CUX2: variants seen among roughly 807,000 people sequenced by gnomAD.
CUX2 encodes the protein homeobox protein cut-like 2.
A neutral mutation model predicts 144.8 loss-of-function variants in CUX2; 40 were observed. The ratio of observed to expected loss-of-function variants is 0.28; its 90% confidence interval spans 0.21 to 0.36. The LOEUF (loss-of-function observed/expected upper bound fraction) is 0.36, where lower values mean the gene tolerates loss of function less well. Among genes scored for constraint, CUX2 ranks in the 10% least tolerant of loss-of-function variants. CUX2 has a pLI of 1.00. For synonymous variants in CUX2, 827 were observed against 875.6 expected (o/e 0.94, Z 0.98); for missense variants, 1,615 against 1,994.0 (o/e 0.81, Z 3.62).
chr12:111,126,853 A>G (rs1875117011), intron 1 of CUX2, among the ~76,000 whole-genome samples: 1 of 152,214 alleles, frequency 6.6e-6, no homozygotes, highest in African/African-American at 2.4e-5. Flanking sequence ...CCAAGTAAAG[A>G]TAATAACAAG....
At chr12:111,130,802 T>A (rs1566241688) in intron 1 of CUX2, among the ~76,000 whole-genome samples, 1 of 152,224 alleles carries the variant, frequency 6.6e-6, no homozygotes, top group Non-Finnish European at 1.5e-5. Context: ...CACCTTTTGG[T>A]CCATGTTTCA....
At chr12:111,338,819 G>A (rs1191866126) in intron 20 of CUX2, among the ~76,000 whole-genome samples, 1 of 151,926 alleles carries the variant, frequency 6.6e-6, no homozygotes, top group Non-Finnish European at 1.5e-5. Flanking sequence ...ATCGTTCAAG[G>A]CTGCAATGTG....
chr12:111,039,209 G>A lies in CUX2; in HGVS notation c.63+4969G>A, dbSNP rs533219088. Among the ~76,000 whole-genome samples, 10 of 152,260 alleles carry A rather than the reference G, an allele frequency of 6.6e-5. No individual in the cohort carries two copies. The highest frequency in any genetic ancestry group is 2.0e-4 in the Admixed American group (3 of 15,298). On this transcript the variant is annotated intron_variant, in intron 1 of 21. Transcript: ENST00000261726. This position sits in a 1 kb window ranked among gnomAD's most constrained non-coding sequence, Gnocchi z 4.2. ...AAAGGCCGGGCCTGGCAGAGGTGAAGCATTGGAAGGGGACTCAGGTGGTGA... is the reference window on the plus strand; with the variant it reads ...AAAGGCCGGGCCTGGCAGAGGTGAAACATTGGAAGGGGACTCAGGTGGTGA...
chr12:111,347,447 A>G (rs951170098), intron 21 of CUX2, 77 bp from the exon 22 acceptor site: 3 of 1,404,156 alleles, frequency 2.1e-6, no homozygotes, highest in African/African-American at 1.4e-5. Flanking sequence ...TGGGACCAAA[A>G]TGCCATGTAT....
rs1714749460 is a variant in CUX2 at position 111,076,643 on chromosome 12, C to T, written c.63+42403C>T. Among the ~76,000 whole-genome samples the T allele has an allele frequency of 2.6e-5, 4 of 152,238 alleles. No homozygotes were observed. In the South Asian group the frequency reaches 8.3e-4, roughly 32 times the overall value. Reference sequence around the variant, plus strand: ...ATACAACTCACCCTTCTCTCCATCACTCAGCAGACGGGCTAGCCTCCTCCC... The same window carrying T: ...ATACAACTCACCCTTCTCTCCATCATTCAGCAGACGGGCTAGCCTCCTCCC... On this transcript the variant is annotated intron_variant, in intron 1 of 21. Transcript: ENST00000261726.
In CUX2 at chr12:111,348,313, G is replaced by A. The variant is rs758555199; in HGVS notation, c.4449G>A (p.Glu1483=). Residue 1483 remains glutamate, a synonymous_variant, in exon 22 of 22, where the codon GAG becomes GAA. Transcript: ENST00000261726. ...ERAANREEAL[E]WEF Reference sequence around the variant, plus strand: ...CTGCCAATCGGGAGGAGGCCCTGGAGTGGGAGTTCTGAAGGCAGGGTGAGG... The same window carrying A: ...CTGCCAATCGGGAGGAGGCCCTGGAATGGGAGTTCTGAAGGCAGGGTGAGG... 2.5e-6 allele frequency: 4 copies of A among 1,610,310 alleles called. No homozygotes were observed. Among genetic ancestry groups the A allele is most frequent in the African/African-American group, 2.7e-5 (2 of 75,022 alleles).
intron 1 of CUX2, among the ~76,000 whole-genome samples, chr12:111,146,486 C>T (rs1391541786): frequency 6.6e-6 from 1 of 152,158 alleles, no homozygotes; most frequent in East Asian, 1.9e-4. Flanking sequence ...TGTGATACTT[C>T]TGCATGGCAG....
intron 1 of CUX2, among the ~76,000 whole-genome samples, chr12:111,158,557 G>A (rs975849440): frequency 4.6e-5 from 7 of 151,998 alleles, no homozygotes; most frequent in African/African-American, 1.7e-4. Context: ...AGATAGCCTG[G>A]GCTGGGGAAG....
chr12:111,319,779 C>T (rs1887411725), intron 16 of CUX2, among the ~76,000 whole-genome samples: 1 of 152,194 alleles, frequency 6.6e-6, no homozygotes, highest in Admixed American at 6.5e-5. Flanking sequence ...TTGCATTATC[C>T]GCATGAGCAT....
chr12:111,158,168 G>A (rs1439637569), intron 1 of CUX2, among the ~76,000 whole-genome samples: 1 of 152,160 alleles, frequency 6.6e-6, no homozygotes, highest in Admixed American at 6.5e-5. Flanking sequence ...CGGAGGATCA[G>A]GGATAGTCCC....
At position 111,295,765 on chromosome 12, in the gene CUX2, A is replaced by AATTAATTAATTTATTTATTT. The variant is rs1555213130; in HGVS notation, c.637+367_637+368insTATTTATTTATTAATTAATT. The stretch of plus-strand genomic sequence containing the variant: ...AGACCCTGTCTCTAATTAATTAATT[A>AATTAATTAATTTATTTATTT]ATTAATTAATTAATTTAATACAACC... On this transcript the variant is annotated intron_variant, in intron 7 of 21. Coordinates refer to ENST00000261726, the MANE Select transcript of CUX2 (RefSeq NM_015267.4). The surrounding 1 kb of genome is among the most constrained non-coding windows in gnomAD (Gnocchi z 5.0). Among the ~76,000 whole-genome samples the AATTAATTAATTTATTTATTT allele has an allele frequency of 2.0e-5, 3 of 151,360 alleles. No individual in the cohort carries two copies. The highest frequency in any genetic ancestry group is 4.0e-4 in the East Asian group (2 of 5,028).
intron 4 of CUX2, among the ~76,000 whole-genome samples, chr12:111,278,992 G>A (rs2136312361): frequency 6.6e-6 from 1 of 152,326 alleles, no homozygotes; most frequent in African/African-American, 2.4e-5. Context: ...GATAGGGAAG[G>A]TGGGAAGAAA....
chr12:111,150,077 A>G (rs1277840654), intron 1 of CUX2, among the ~76,000 whole-genome samples: 2 of 152,148 alleles, frequency 1.3e-5, no homozygotes, highest in African/African-American at 4.8e-5. Context: ...ACATAGAGAA[A>G]AACCTGGAAA....
chr12:111,092,564 G>C (rs920694219), intron 1 of CUX2, among the ~76,000 whole-genome samples: 1 of 152,172 alleles, frequency 6.6e-6, no homozygotes, highest in Non-Finnish European at 1.5e-5. Context: ...TGGGAGAGGA[G>C]CCGTAAGCAA....
At chr12:111,074,543 T>C (rs1439046014) in intron 1 of CUX2, among the ~76,000 whole-genome samples, 1 of 151,988 alleles carries the variant, frequency 6.6e-6, no homozygotes, top group Non-Finnish European at 1.5e-5. Flanking sequence ...CCCCTCTGCC[T>C]GTGGCCTTCA....
chr12:111,075,291 G>A (rs1871470569), intron 1 of CUX2, among the ~76,000 whole-genome samples: 2 of 152,216 alleles, frequency 1.3e-5, no homozygotes, highest in South Asian at 4.1e-4. Flanking sequence ...GGATCAATAG[G>A]ATCAGGTCGA....
intron 1 of CUX2, among the ~76,000 whole-genome samples, chr12:111,118,677 A>G (rs1433862404): frequency 1.3e-5 from 2 of 152,228 alleles, no homozygotes; most frequent in Admixed American, 1.3e-4. Flanking sequence ...GCATTGGGAC[A>G]ATAGTCCACA....
chr12:111,204,469 C>A (rs1406449321), intron 1 of CUX2, among the ~76,000 whole-genome samples: 1 of 152,168 alleles, frequency 6.6e-6, no homozygotes. Flanking sequence ...ACAGATGGAC[C>A]AGGCCTGGTC....
chr12:111,209,930 T>TGCGCCGG lies in CUX2; in HGVS notation c.64-4267_64-4261dup, dbSNP rs1857798618. The stretch of plus-strand genomic sequence containing the variant: ...TATGATGATCATTATTTGAATGGTC[T>TGCGCCGG]GCGCCGGGCTCCGGGCTGTCTGTCT... On this transcript the variant is annotated intron_variant, in intron 1 of 21. Coordinates refer to ENST00000261726, the MANE Select transcript of CUX2 (RefSeq NM_015267.4). Among the ~76,000 whole-genome samples the TGCGCCGG allele has an allele frequency of 2.6e-5, 4 of 152,238 alleles. No individual in the cohort carries two copies. In the South Asian group the frequency reaches 8.3e-4, roughly 32 times the overall value.
Sources: gnomAD v4.1 joint callset for allele counts (sites outside exome capture counted in the v4.1 genomes callset) on GRCh38, gnomAD v4.1.1 for gene constraint, Gnocchi (gnomAD v3.1) non-coding constraint, MANE v1.5 for transcripts, NCBI Gene and HGNC (gene_info 2026-07-23, HGNC 2026-07-21) for gene names.